Variants in CNTNAP2 observed in about 807,000 individuals in gnomAD.
The protein encoded by CNTNAP2 is contactin associated protein 2.
In CNTNAP2, 98 loss-of-function variants were observed where a neutral mutation model predicts 155.2. The observed-to-expected ratio is 0.63, with a 90% CI of 0.54 to 0.75. The LOEUF (loss-of-function observed/expected upper bound fraction) is 0.75, where lower values mean the gene tolerates loss of function less well. Ranked by LOEUF, CNTNAP2 falls within the 30% of genes least tolerant of loss-of-function variation. CNTNAP2 has a pLI of 0.00. For missense variants in CNTNAP2, 1,727 were observed against 1,688.1 expected, an observed-to-expected ratio of 1.02 and a Z score of -0.40; for synonymous variants, 651 against 631.2, an observed-to-expected ratio of 1.03 and a Z score of -0.47.
At chr7:147,259,668 A>ACTG (rs1804412694) in intron 8 of CNTNAP2, among the ~76,000 whole-genome samples, 1 of 152,164 alleles carries the variant, frequency 6.6e-6, no homozygotes, top group Admixed American at 6.5e-5. Context: ...CTTTGTTCTT[A>ACTG]AAAAGGTTTC....
intron 9 of CNTNAP2, among the ~76,000 whole-genome samples, chr7:147,324,585 C>T (rs549704861): frequency 6.6e-6 from 1 of 152,142 alleles, no homozygotes; most frequent in Admixed American, 6.5e-5. Flanking sequence ...CCTCAATAAA[C>T]ATCTCCAGTT....
intron 5 of CNTNAP2, among the ~76,000 whole-genome samples, chr7:147,111,183 T>C (rs1169401599): frequency 2.0e-5 from 3 of 152,168 alleles, no homozygotes; most frequent in African/African-American, 7.2e-5. Context: ...CTTTTGAGAA[T>C]TGTCTGTTCA....
intron 13 of CNTNAP2, among the ~76,000 whole-genome samples, chr7:147,716,604 A>C (rs1321997636): frequency 6.6e-6 from 1 of 152,178 alleles, no homozygotes; most frequent in Non-Finnish European, 1.5e-5. Flanking sequence ...CATGGTGGAC[A>C]TGCCTGGCCC....
At chr7:147,054,059 C>G (rs1157096241) in intron 4 of CNTNAP2, among the ~76,000 whole-genome samples, 1 of 152,154 alleles carries the variant, frequency 6.6e-6, no homozygotes, top group Admixed American at 6.5e-5. Context: ...GCATAGCTTC[C>G]TCTCTGACAT....
At chr7:148,023,461 G>C (rs1466377964) in intron 15 of CNTNAP2, among the ~76,000 whole-genome samples, 1 of 152,114 alleles carries the variant, frequency 6.6e-6, no homozygotes, top group Non-Finnish European at 1.5e-5. Context: ...TTTTATTTCT[G>C]TTCCCCTGAG....
rs1016490847 is a variant in CNTNAP2 at position 147,160,464 on chromosome 7, G to T, written c.1348+27955G>T. On this transcript the variant is annotated intron_variant, in intron 8 of 23. Transcript: ENST00000361727. ...TGCTAGGTGCCTCTGTCACTGTCAA[G>T]ATTTTATTTTTTATTATTATAGGTT... Among the ~76,000 whole-genome samples, 11 of 152,120 alleles carry T rather than the reference G, an allele frequency of 7.2e-5. No homozygotes were observed. The South Asian group carries it at 1.7e-3, about 23-fold the overall frequency.
At chr7:147,960,669 A>T (rs1170099416) in intron 14 of CNTNAP2, among the ~76,000 whole-genome samples, 5 of 152,118 alleles carry the variant, frequency 3.3e-5, no homozygotes, top group Admixed American at 3.3e-4. Context: ...TAAACACAGG[A>T]TGAGCTCAAC....
intron 1 of CNTNAP2, among the ~76,000 whole-genome samples, chr7:146,673,123 A>C (rs1234897408): frequency 6.6e-6 from 1 of 152,122 alleles, no homozygotes; most frequent in Admixed American, 6.6e-5. Context: ...ATTCATGCAT[A>C]ATAGCTTTGA....
rs10224515 is a variant in CNTNAP2 at position 148,255,886 on chromosome 7, G to A, written c.3382-11147G>A. ...TGCGTTCCTTGTGAGTTGAATATTG[G>A]TTCAAGGCTGATGCTACCACTTCCA... On this transcript the variant is annotated intron_variant, in intron 20 of 23. Coordinates refer to ENST00000361727, the MANE Select transcript of CNTNAP2 (RefSeq NM_014141.6). Among the ~76,000 whole-genome samples the A allele has an allele frequency of 3.3e-3, 506 of 152,220 alleles. 4 individuals carry two copies. The highest frequency in any genetic ancestry group is 0.012 in the African/African-American group (480 of 41,528).
intron 8 of CNTNAP2, among the ~76,000 whole-genome samples, chr7:147,199,886 G>A (rs1403983773): frequency 6.6e-6 from 1 of 152,056 alleles, no homozygotes; most frequent in African/African-American, 2.4e-5. Flanking sequence ...ATTAGCTAGA[G>A]AGGGTTGTCT....
intron 9 of CNTNAP2, among the ~76,000 whole-genome samples, chr7:147,358,659 C>T (rs1329017876): frequency 6.6e-6 from 1 of 151,854 alleles, no homozygotes; most frequent in African/African-American, 2.4e-5. Context: ...AAAGTGACTA[C>T]CAAGCATTTT....
chr7:146,159,022 A>G (rs929108142), intron 1 of CNTNAP2, among the ~76,000 whole-genome samples: 8 of 152,244 alleles, frequency 5.3e-5, no homozygotes. Context: ...AGGGAAGCCC[A>G]TGAGACTAAC....
At chr7:147,040,495 C>G (rs1460864885) in intron 3 of CNTNAP2, among the ~76,000 whole-genome samples, 2 of 119,918 alleles carry the variant, frequency 1.7e-5, no homozygotes, top group East Asian at 5.4e-4. Flanking sequence ...GAGTCTGGCT[C>G]TGTCACCCAG....
rs397740975 is a variant in CNTNAP2 at position 147,329,728 on chromosome 7, AT to A, written c.1498+29448del. The stretch of plus-strand genomic sequence containing the variant: ...TATGGTTCTTACTTAGTATATCTCA[AT>A]TTTTTTTTTCTTTAGGCACTAGTTC... On this transcript the variant is annotated intron_variant, in intron 9 of 23. Coordinates refer to ENST00000361727, the MANE Select transcript of CNTNAP2 (RefSeq NM_014141.6). Among the ~76,000 whole-genome samples the A allele has an allele frequency of 3.3e-3, 494 of 151,186 alleles. 5 individuals are homozygous for A. The highest frequency in any genetic ancestry group is 0.011 in the African/African-American group (437 of 41,282).
chr7:146,793,831 G>A (rs1426040916), intron 2 of CNTNAP2, among the ~76,000 whole-genome samples: 1 of 152,218 alleles, frequency 6.6e-6, no homozygotes, highest in Non-Finnish European at 1.5e-5. Context: ...AGAGTAGGCA[G>A]TATGTGGATC....
At chr7:147,971,666 G>T (rs1459742828) in intron 14 of CNTNAP2, among the ~76,000 whole-genome samples, 1 of 152,124 alleles carries the variant, frequency 6.6e-6, no homozygotes, top group Admixed American at 6.6e-5. Flanking sequence ...TTCATTGTAT[G>T]TATTACCATA....
At chr7:146,747,331 C>A (rs575302561) in intron 1 of CNTNAP2, among the ~76,000 whole-genome samples, 1 of 152,080 alleles carries the variant, frequency 6.6e-6, no homozygotes, top group South Asian at 2.1e-4. Flanking sequence ...AAGGATATGG[C>A]GTAGAATTTA....
intron 1 of CNTNAP2, among the ~76,000 whole-genome samples, chr7:146,394,031 G>T (rs1795584408): frequency 6.6e-6 from 1 of 152,132 alleles, no homozygotes. Flanking sequence ...TTCAAAGGCT[G>T]CTTGTTGTCG....
At chr7:147,644,990 AT>A (rs773060518) in intron 13 of CNTNAP2, among the ~76,000 whole-genome samples, 15 of 151,266 alleles carry the variant, frequency 9.9e-5, no homozygotes, top group Middle Eastern at 6.8e-3. Flanking sequence ...TCCTCTTTTA[AT>A]TTTTCAGTGT....
Sources: allele counts gnomAD v4.1 joint callset (sites outside exome capture counted in the v4.1 genomes callset), GRCh38; gene constraint gnomAD v4.1.1; transcripts MANE v1.5; gene names NCBI Gene and HGNC (gene_info 2026-07-23, HGNC 2026-07-21).